MEGF10: variants seen among roughly 807,000 people sequenced by gnomAD.
MEGF10 encodes the protein multiple epidermal growth factor-like domains protein 10.
Under a neutral mutation model 147.5 loss-of-function variants are expected in MEGF10, and 86 were observed. The ratio of observed to expected loss-of-function variants is 0.58; its 90% CI spans 0.49 to 0.70. The LOEUF is 0.70. Among genes scored for constraint, MEGF10 ranks in the 30% least tolerant of loss-of-function variants. MEGF10 has a pLI of 0.00. For synonymous variants in MEGF10, 478 were observed against 525.5 expected, an observed-to-expected ratio of 0.91 and a Z score of 1.24; for missense variants, 1,329 against 1,487.3, an observed-to-expected ratio of 0.89 and a Z score of 1.75.
the MEGF10 span, among the ~76,000 whole-genome samples, chr5:127,267,650 G>T: frequency 1.3e-5 from 2 of 152,050 alleles, no homozygotes; most frequent in African/African-American, 4.8e-5. Flanking sequence ...TTTAATCTTG[G>T]GAGGGTGTAT....
At chr5:127,247,398 GAA>G in the MEGF10 span, among the ~76,000 whole-genome samples, 4 of 47,658 alleles carry the variant, frequency 8.4e-5, no homozygotes, top group Non-Finnish European at 1.2e-4. Flanking sequence ...AGAAGAAGAA[GAA>G]GAAGAAGAAG....
At chr5:127,242,508 T>A in the MEGF10 span, among the ~76,000 whole-genome samples, 1 of 152,220 alleles carries the variant, frequency 6.6e-6, no homozygotes, top group Non-Finnish European at 1.5e-5. Context: ...TTGTATAAGT[T>A]CGGATCTTAA....
chr5:127,264,328 T>C, the MEGF10 span, among the ~76,000 whole-genome samples: 1 of 152,164 alleles, frequency 6.6e-6, no homozygotes, highest in Non-Finnish European at 1.5e-5. Context: ...GTGGAAACTG[T>C]ATCAGAGATA....
At chr5:127,291,333 C>T (rs556749946) in intron 1 of MEGF10, among the ~76,000 whole-genome samples, 1 of 152,126 alleles carries the variant, frequency 6.6e-6, no homozygotes, top group African/African-American at 2.4e-5. Context: ...AATTCCTGCC[C>T]TTGTATTGCC....
In MEGF10 at chr5:127,449,115, T is replaced by C; in HGVS notation, c.2873T>C (p.Leu958Pro). ...TTTTAACAGTCAAAAAACAATCAAC[T>C]GTTTGTGAATCTTAAAAATGTGAAC... The part of the protein sequence containing the change: ...MTVTKSKNNQ[L>P]FVNLKNVNPG... The change falls in exon 22 of 25, where the codon CTG (leucine) becomes CCG (proline). Residue 958 changes from leucine (L) to proline (P), a missense_variant. Transcript: ENST00000503335. 6.2e-7 allele frequency: 1 copy of C among 1,614,162 alleles called. No individual in the cohort carries two copies. The highest frequency in any genetic ancestry group is 8.5e-7 in the Non-Finnish European group (1 of 1,180,006).
At chr5:127,322,787 A>C (rs1474217682) in intron 1 of MEGF10, among the ~76,000 whole-genome samples, 1 of 152,210 alleles carries the variant, frequency 6.6e-6, no homozygotes, top group Non-Finnish European at 1.5e-5. Flanking sequence ...ATTAATGTTA[A>C]ATTTTTTGTG....
In MEGF10 at chr5:127,440,739, G is replaced by A; in HGVS notation, c.2234G>A (p.Arg745Lys). 6.2e-7 allele frequency: 1 copy of A among 1,613,878 alleles called. No individual in the cohort carries two copies. Among genetic ancestry groups the A allele is most frequent in the Non-Finnish European group, 8.5e-7 (1 of 1,179,872 alleles). ...PGWTGLYCTQ[R>K]CPLGFYGKDC... ...CCTACTGTCCTCCCTCCTCCCACAG[G>A]ATGTCCTCTAGGGTTTTATGGAAAA... The change falls in exon 18 of 25, where the codon AGA becomes AAA. Residue 745 changes from arginine to lysine, a missense_variant and splice_region_variant. This residue lies in a region of MEGF10 where 980 missense variants were observed against 1,085.9 expected (regional missense o/e 0.90). Coordinates refer to ENST00000503335, the MANE Select transcript of MEGF10 (RefSeq NM_001256545.2).
At chr5:127,434,561 C>A in intron 14 of MEGF10, 126 bp from the exon 15 acceptor site, 1 of 1,029,568 alleles carries the variant, frequency 9.7e-7, no homozygotes, top group Non-Finnish European at 1.3e-6. Flanking sequence ...GAAAATTCTC[C>A]GTATCTTTTT....
Position 127,335,592 on chromosome 5 carries a change from C to A in MEGF10, c.117-3528C>A, listed in dbSNP as rs76456634. Among the ~76,000 whole-genome samples, 1,324 of 152,096 alleles carry A rather than the reference C, an allele frequency of 8.7e-3. 7 individuals carry two copies. The highest frequency in any genetic ancestry group is 0.017 in the Middle Eastern group (5 of 294). On this transcript the variant is annotated intron_variant, in intron 2 of 24. Transcript: ENST00000503335. ...TGCCTAATGATTGGTGGGTATTGAG[C>A]AAAATAGGTGTAGTCACTTACAAAG...
At chr5:127,421,970 A>G (rs1247234372) in intron 12 of MEGF10, among the ~76,000 whole-genome samples, 1 of 145,566 alleles carries the variant, frequency 6.9e-6, no homozygotes, top group African/African-American at 2.5e-5. Context: ...GCCTGGGTGA[A>G]AGAGTGAGAC....
At chr5:127,248,086 C>T in the MEGF10 span, among the ~76,000 whole-genome samples, 726 of 152,114 alleles carry the variant, frequency 4.8e-3, 8 homozygotes, top group African/African-American at 0.016. Flanking sequence ...AAAGACTTCA[C>T]CATATGCGTC....
At chr5:127,427,135 A>G (rs1661135733) in intron 13 of MEGF10, among the ~76,000 whole-genome samples, 1 of 152,220 alleles carries the variant, frequency 6.6e-6, no homozygotes, top group African/African-American at 2.4e-5. Context: ...GGGCTCTTGC[A>G]TAGTGCACAA....
chr5:127,243,794 T>G, the MEGF10 span, among the ~76,000 whole-genome samples: 1 of 152,196 alleles, frequency 6.6e-6, no homozygotes, highest in Non-Finnish European at 1.5e-5. Context: ...ACATTTTGGC[T>G]GTTCATGCTG....
At chr5:127,349,825 T>G (rs1198227580) in intron 4 of MEGF10, among the ~76,000 whole-genome samples, 1 of 152,154 alleles carries the variant, frequency 6.6e-6, no homozygotes, top group African/African-American at 2.4e-5. Flanking sequence ...ATTCATTCAA[T>G]GTAAGACATA....
At chr5:127,406,494 G>A (rs988310782) in intron 8 of MEGF10, among the ~76,000 whole-genome samples, 10 of 152,192 alleles carry the variant, frequency 6.6e-5, no homozygotes, top group African/African-American at 2.4e-4. Flanking sequence ...AGTCTGTGGC[G>A]GGAGGTGTGG....
intron 4 of MEGF10, among the ~76,000 whole-genome samples, chr5:127,358,035 G>T (rs1762340033): frequency 6.6e-6 from 1 of 152,182 alleles, no homozygotes. Flanking sequence ...CATAGCAAAG[G>T]TTCTGCTGCC....
chr5:127,429,584 G>A (rs1440786086), intron 13 of MEGF10, among the ~76,000 whole-genome samples: 1 of 152,144 alleles, frequency 6.6e-6, no homozygotes, highest in Non-Finnish European at 1.5e-5. Context: ...TCTCCCTCAG[G>A]GAGCTGCCAG....
intron 5 of MEGF10, among the ~76,000 whole-genome samples, chr5:127,391,094 GCGCGCGCGCACACACACACACACACACA>G (rs1342641598): frequency 4.1e-5 from 1 of 24,422 alleles, no homozygotes; most frequent in Admixed American, 3.4e-4. Flanking sequence ...ACATGCGCGC[GCGCGCGCGCACACACACACACACACACA>G]CACACACACA....
intron 1 of MEGF10, among the ~76,000 whole-genome samples, chr5:127,319,196 C>A (rs1165411225): frequency 1.3e-5 from 2 of 152,070 alleles, no homozygotes; most frequent in African/African-American, 4.8e-5. Flanking sequence ...CTGCTTCAGC[C>A]TCCCAAATAG....
Sources: gnomAD v4.1 joint callset for allele counts (sites outside exome capture counted in the v4.1 genomes callset) on GRCh38, gnomAD v4.1.1 for gene constraint, gnomAD v4.1.1 regional missense constraint, MANE v1.5 for transcripts, NCBI Gene and HGNC (gene_info 2026-07-23, HGNC 2026-07-21) for gene names.